The following MMP26 variants were observed in gnomAD, a reference collection of about 807,000 sequenced individuals.
MMP26 encodes the protein matrix metalloproteinase-26.
MMP26 carries 33 observed loss-of-function variants against 31.0 expected under a neutral mutation model. That is an observed-to-expected ratio of 1.06 (90% CI 0.81 to 1.42). The LOEUF is 1.42. MMP26 is among the 40% of genes most tolerant of loss of function. The pLI is 0.00. For missense variants in MMP26, 347 were observed against 316.1 expected (o/e 1.10, Z -0.74); for synonymous variants, 122 against 114.9 (o/e 1.06, Z -0.40).
At chr11:4,849,037 C>A in intron 2 of MMP26, 1 of 1,613,970 alleles carries the variant, frequency 6.2e-7, no homozygotes, top group Non-Finnish European at 8.5e-7. Context: ...GGCTGCAGGG[C>A]AATGATCCAG....
chr11:4,828,063 T>C (rs1356742031), intron 2 of MMP26, among the ~76,000 whole-genome samples: 1 of 152,112 alleles, frequency 6.6e-6, no homozygotes, highest in Non-Finnish European at 1.5e-5. Flanking sequence ...AAAAAATACA[T>C]CAACATTAGA....
intron 2 of MMP26, among the ~76,000 whole-genome samples, chr11:4,856,921 C>T (rs1343044611): frequency 1.3e-5 from 2 of 152,216 alleles, no homozygotes; most frequent in East Asian, 3.8e-4. Context: ...AAGAAACTCA[C>T]TCAAAACCGC....
intron 2 of MMP26, chr11:4,908,559 A>C (rs1293726486): frequency 1.9e-6 from 1 of 512,888 alleles, no homozygotes; most frequent in Non-Finnish European, 3.5e-6. Context: ...GTGATGGAGC[A>C]GCTGGATTTG....
intron 2 of MMP26, among the ~76,000 whole-genome samples, chr11:4,796,754 G>C (rs1423975516): frequency 1.3e-5 from 2 of 152,040 alleles, no homozygotes; most frequent in Non-Finnish European, 2.9e-5. Context: ...GGGACTCCTG[G>C]GAGATGCCAG....
At chr11:4,899,990 T>C (rs902526429) in intron 2 of MMP26, among the ~76,000 whole-genome samples, 1 of 152,156 alleles carries the variant, frequency 6.6e-6, no homozygotes, top group Non-Finnish European at 1.5e-5. Context: ...ATTCTAATCA[T>C]TGCAGTCAAA....
intron 2 of MMP26, among the ~76,000 whole-genome samples, chr11:4,805,608 T>G (rs1162086140): frequency 2.0e-5 from 3 of 152,210 alleles, no homozygotes; most frequent in Non-Finnish European, 1.5e-5. Context: ...AGCATCTCTG[T>G]GCTTGGTGCA....
chr11:4,747,206 A>G (rs528595638), intron 1 of MMP26, among the ~76,000 whole-genome samples: 9 of 152,326 alleles, frequency 5.9e-5, no homozygotes, highest in Non-Finnish European at 1.3e-4. Context: ...ACAGAGGTAT[A>G]GAGAATTAGC....
intron 2 of MMP26, among the ~76,000 whole-genome samples, chr11:4,878,961 C>T (rs182664471): frequency 5.9e-5 from 9 of 152,154 alleles, no homozygotes; most frequent in Admixed American, 2.0e-4. Flanking sequence ...AAGGGCCGGG[C>T]GCGGTGGCTT....
intron 2 of MMP26, among the ~76,000 whole-genome samples, chr11:4,844,933 C>T (rs967075840): frequency 2.6e-5 from 4 of 151,962 alleles, no homozygotes; most frequent in African/African-American, 9.7e-5. Context: ...ATAAAGTCAT[C>T]CAAATTGGAA....
At chr11:4,902,699 G>T (rs79946860) in intron 2 of MMP26, among the ~76,000 whole-genome samples, 5,000 of 152,260 alleles carry the variant, frequency 0.033, 275 homozygotes, top group African/African-American at 0.11. Flanking sequence ...AAATGCATCT[G>T]CTAGAATAGC....
chr11:4,720,681 G>C (rs1847998977), intron 1 of MMP26, among the ~76,000 whole-genome samples: 7 of 152,180 alleles, frequency 4.6e-5, no homozygotes, highest in Admixed American at 4.6e-4. Context: ...GTTCCCCCAA[G>C]AGCTTATATT....
chr11:4,841,501 T>C (rs953910449), intron 2 of MMP26, among the ~76,000 whole-genome samples: 2 of 152,160 alleles, frequency 1.3e-5, no homozygotes, highest in Non-Finnish European at 1.5e-5. Flanking sequence ...CATAAGATAA[T>C]TAAAGTGCTC....
At chr11:4,783,294 CAT>C (rs1848890496) in intron 2 of MMP26, among the ~76,000 whole-genome samples, 1 of 152,204 alleles carries the variant, frequency 6.6e-6, no homozygotes, top group South Asian at 2.1e-4. Context: ...AGATGGGAGA[CAT>C]AGAGTCAAAG....
At chr11:4,798,184 C>T (rs1458817998) in intron 2 of MMP26, among the ~76,000 whole-genome samples, 2 of 152,232 alleles carry the variant, frequency 1.3e-5, no homozygotes, top group Non-Finnish European at 2.9e-5. Context: ...AGTCCAGATT[C>T]ATCAGGGGTG....
At chr11:4,915,434 C>A in intron 2 of MMP26, 7 of 1,613,970 alleles carry the variant, frequency 4.3e-6, no homozygotes, top group Non-Finnish European at 5.9e-6. Context: ...AAGGGAGAGA[C>A]CCAGGTCAAT....
intron 1 of MMP26, among the ~76,000 whole-genome samples, chr11:4,715,300 G>A (rs550613664): frequency 7.5e-5 from 11 of 145,918 alleles, no homozygotes; most frequent in East Asian, 2.0e-4. Flanking sequence ...AAAGAATATC[G>A]TTTCATCAAG....
At chr11:4,792,086 A>G (rs1849035083) in intron 2 of MMP26, among the ~76,000 whole-genome samples, 3 of 152,148 alleles carry the variant, frequency 2.0e-5, no homozygotes, top group Middle Eastern at 3.4e-3. Context: ...AATGGAGATA[A>G]TAGCAACAAT....
chr11:4,915,001 G>T, intron 2 of MMP26: 7 of 1,614,130 alleles, frequency 4.3e-6, no homozygotes, highest in Non-Finnish European at 5.9e-6. Flanking sequence ...GAGCATAAGA[G>T]AAGAGGATGA....
At chr11:4,710,830 G>A (rs1459713174) in intron 1 of MMP26, 1 of 179,978 alleles carries the variant, frequency 5.6e-6, no homozygotes, top group Non-Finnish European at 1.2e-5. Context: ...AGAGCATGTA[G>A]CTATCCAAAG....
Sources: gnomAD v4.1 joint callset for allele counts (sites outside exome capture counted in the v4.1 genomes callset) on GRCh38, gnomAD v4.1.1 for gene constraint, MANE v1.5 for transcripts, NCBI Gene and HGNC (gene_info 2026-07-23, HGNC 2026-07-21) for gene names.